IAPP: variants seen among roughly 807,000 people sequenced by gnomAD.
IAPP encodes the protein islet amyloid polypeptide, also known as Islet amyloid polypeptide (diabetes-associated peptide; amylin).
A neutral mutation model predicts 2.9 loss-of-function variants in IAPP; 4 were observed. That is an observed-to-expected ratio of 1.39 (90% confidence interval 0.69 to 3.19). IAPP has a LOEUF of 3.19. IAPP is among the 30% of genes most tolerant of loss of function. The pLI, the probability that IAPP is intolerant of heterozygous loss-of-function variation, is 0.01. For synonymous variants in IAPP, 40 were observed against 42.1 expected, an observed-to-expected ratio of 0.95 and a Z score of 0.19; for missense variants, 114 against 105.3, an observed-to-expected ratio of 1.08 and a Z score of -0.36.
chr12:21,373,186 A>G (rs1311204096), intron 1 of IAPP, 151 bp from the exon 2 acceptor site: 23 of 623,562 alleles, frequency 3.7e-5, no homozygotes, highest in Admixed American at 2.3e-4. Flanking sequence ...AAAAGTGGAC[A>G]ATATTAAGGG....
Position 21,363,571 on chromosome 12 carries a change from C to T in IAPP, c.-16+8558C>T, listed in dbSNP as rs538861992. On this transcript the variant is annotated intron_variant, in intron 1 of 2. Transcript: ENST00000539393. ...AGAGCAGAACTGAAGTAGATAGAGACACAAAAAAACCCTTCAAAAAATAAA... is the reference window on the plus strand; with the variant it reads ...AGAGCAGAACTGAAGTAGATAGAGATACAAAAAAACCCTTCAAAAAATAAA... 7.8e-4 allele frequency among the ~76,000 whole-genome samples: 118 copies of T among 152,086 alleles called. 1 individual carries two copies. The South Asian group carries it at 0.024, about 31-fold the overall frequency.
chr12:21,365,053 G>A (rs1227964794), intron 1 of IAPP, among the ~76,000 whole-genome samples: 1 of 152,094 alleles, frequency 6.6e-6, no homozygotes, highest in East Asian at 1.9e-4. Context: ...CTACTTTAAA[G>A]TTCATATGGA....
Position 21,360,862 on chromosome 12 carries a change from C to T in IAPP, c.-16+5849C>T, listed in dbSNP as rs1446848801. 2.0e-5 allele frequency among the ~76,000 whole-genome samples: 3 copies of T among 152,174 alleles called. No homozygotes were observed. In the East Asian group the frequency reaches 5.8e-4, roughly 29 times the overall value. On this transcript the variant is annotated intron_variant, in intron 1 of 2. Transcript: ENST00000539393. Reference sequence around the variant, plus strand: ...GGAGGGGCGTCCGCCATTGCTGAGGCTTGAGAAGGTAAACAAAGCAGCTAG... The same window carrying T: ...GGAGGGGCGTCCGCCATTGCTGAGGTTTGAGAAGGTAAACAAAGCAGCTAG...
Position 21,378,632 on chromosome 12 carries a change from T to C in IAPP, c.*206T>C. 1 of 514,498 alleles carries C rather than the reference T, an allele frequency of 1.9e-6. No homozygotes were observed. The highest frequency in any genetic ancestry group is 3.4e-6 in the Non-Finnish European group (1 of 290,578). 31.9% of individuals were successfully genotyped at this position (514,498 alleles called of 1,614,324 possible). ...AGATAGTATCTTTTAAAATGAAATG[T>C]TTTTGCTATAGATTTGTATTTTAAA... On this transcript the variant is annotated 3_prime_UTR_variant, in exon 3 of 3. Coordinates refer to ENST00000240652, the MANE Select transcript of IAPP (RefSeq NM_000415.3).
In IAPP at chr12:21,378,291, G is replaced by T; in HGVS notation, c.135G>T (p.Leu45=). 1 of 1,614,174 alleles carries T rather than the reference G, an allele frequency of 6.2e-7. No homozygotes were observed. The highest frequency in any genetic ancestry group is 8.5e-7 in the Non-Finnish European group (1 of 1,180,002). Residue 45 remains leucine, a synonymous_variant, in exon 3 of 3, where the codon CTG becomes CTT. Transcript: ENST00000240652. ...CNTATCATQR[L]ANFLVHSSNN... ...CTGCCACATGTGCAACGCAGCGCCT[G>T]GCAAATTTTTTAGTTCATTCCAGCA... is the stretch of plus-strand genomic sequence containing the variant.
chr12:21,362,803 A>G (rs974061406), intron 1 of IAPP, among the ~76,000 whole-genome samples: 9 of 152,060 alleles, frequency 5.9e-5, no homozygotes, highest in African/African-American at 2.2e-4. Context: ...AGACAAGGCC[A>G]TTACATAATG....
intron 2 of IAPP, among the ~76,000 whole-genome samples, chr12:21,375,185 TATA>T (rs906121941): frequency 3.3e-5 from 5 of 152,316 alleles, no homozygotes; most frequent in Non-Finnish European, 5.9e-5. Context: ...CAATATGTAA[TATA>T]ATATTACTTG....
intron 2 of IAPP, chr12:21,374,356 C>T (rs1038519247): frequency 3.9e-5 from 6 of 152,146 alleles, no homozygotes; most frequent in Admixed American, 1.3e-4. Context: ...TCTTATGGGA[C>T]TGAACTTACA....
chr12:21,355,265 G>A (rs1346455776), intron 1 of IAPP, among the ~76,000 whole-genome samples: 3 of 152,094 alleles, frequency 2.0e-5, no homozygotes, highest in Admixed American at 6.6e-5. Flanking sequence ...TCTTTAAAAT[G>A]TGCATACACA....
intron 2 of IAPP, among the ~76,000 whole-genome samples, chr12:21,375,473 C>T (rs563018364): frequency 6.3e-4 from 96 of 152,244 alleles, no homozygotes; most frequent in Non-Finnish European, 1.1e-3. Context: ...ATTTTCCTCA[C>T]AAAATTTAAT....
upstream of IAPP, among the ~76,000 whole-genome samples, chr12:21,370,412 T>G (rs375663392): frequency 2.6e-5 from 4 of 151,802 alleles, no homozygotes; most frequent in African/African-American, 9.7e-5. Flanking sequence ...ATGTGCCATG[T>G]TGGTGTGCTG....
rs200996235 is a variant in IAPP, at chr12:21,378,254, G to A, written c.98G>A (p.Arg33Gln). 26 of 1,614,012 alleles carry A rather than the reference G, an allele frequency of 1.6e-5. No homozygotes were observed. Among genetic ancestry groups the A allele is most frequent in the South Asian group, 2.2e-5 (2 of 91,076 alleles). The change falls in exon 3 of 3, where the codon CGG (arginine) becomes CAG (glutamine). Residue 33 changes from arginine (R) to glutamine (Q), a missense_variant. By Grantham distance (43) the Arg-to-Gln change is conservative (BLOSUM62 1). Transcript: ENST00000240652. ...GTTACCAGTCATCAGGTGGAAAAGCGGAAATGCAACACTGCCACATGTGCA... is the reference window on the plus strand; with the variant it reads ...GTTACCAGTCATCAGGTGGAAAAGCAGAAATGCAACACTGCCACATGTGCA... ...TPIESHQVEK[R>Q]KCNTATCATQ...
At position 21,374,696 on chromosome 12, in the gene IAPP, T is replaced by C. The variant is rs867195056; in HGVS notation, c.80+1265T>C. Among the ~76,000 whole-genome samples the C allele has an allele frequency of 3.0e-4, 45 of 152,360 alleles. No homozygotes were observed. In the South Asian group the frequency reaches 6.2e-3, roughly 21 times the overall value. On this transcript the variant is annotated intron_variant, in intron 2 of 2. Coordinates refer to ENST00000240652, the MANE Select transcript of IAPP (RefSeq NM_000415.3). ...TCTGATAAGCAGAATATCTGAATGA[T>C]GACAGGAAAATCAGTAGTATTTCCT...
In IAPP at chr12:21,378,262, A is replaced by C; in HGVS notation, c.106A>C (p.Asn36His). ...ESHQVEKRKC[N>H]TATCATQRLA... ...TCATCAGGTGGAAAAGCGGAAATGC[A>C]ACACTGCCACATGTGCAACGCAGCG... is the stretch of plus-strand genomic sequence containing the variant. Residue 36 changes from asparagine (N) to histidine (H), a missense_variant, in exon 3 of 3, where the codon AAC becomes CAC. By Grantham distance (68) the Asn-to-His change is moderately conservative. Transcript: ENST00000240652. 1 of 1,614,220 alleles carries C rather than the reference A, an allele frequency of 6.2e-7. No individual in the cohort carries two copies.
chr12:21,355,552 A>C (rs2137026932), intron 1 of IAPP, among the ~76,000 whole-genome samples: 1 of 152,264 alleles, frequency 6.6e-6, no homozygotes, highest in Middle Eastern at 3.4e-3. Context: ...TAGGGAGCTG[A>C]TGTGAGTTTC....
At chr12:21,369,749 G>T (rs1055577670), upstream of IAPP, among the ~76,000 whole-genome samples, 1 of 152,208 alleles carries the variant, frequency 6.6e-6, no homozygotes, top group African/African-American at 2.4e-5. Flanking sequence ...GCTCCCAGGT[G>T]ATGCAAAAGC....
At chr12:21,359,000 A>G (rs1938598722) in intron 1 of IAPP, among the ~76,000 whole-genome samples, 1 of 152,342 alleles carries the variant, frequency 6.6e-6, no homozygotes, top group African/African-American at 2.4e-5. Flanking sequence ...ATAATGACTT[A>G]TCTTCAGAAT....
At chr12:21,363,969 A>C (rs1399168200) in intron 1 of IAPP, among the ~76,000 whole-genome samples, 2 of 152,096 alleles carry the variant, frequency 1.3e-5, no homozygotes, top group South Asian at 2.1e-4. Flanking sequence ...ACCAGAGGTA[A>C]AAAGAGGAGC....
intron 2 of IAPP, chr12:21,374,474 G>A (rs1341339129): frequency 2.0e-5 from 3 of 151,940 alleles, no homozygotes; most frequent in South Asian, 2.1e-4. Context: ...GTTTTCCTTC[G>A]AGGTAGTTTT....
Sources: allele counts gnomAD v4.1 joint callset (sites outside exome capture counted in the v4.1 genomes callset), GRCh38; gene constraint gnomAD v4.1.1; transcripts MANE v1.5; gene names NCBI Gene and HGNC (gene_info 2026-07-23, HGNC 2026-07-21).